Variants in GLDN observed in about 807,000 individuals in gnomAD.
GLDN encodes collomin.
In GLDN, 47 loss-of-function variants were observed where a neutral mutation model predicts 56.5. That is an observed-to-expected ratio of 0.83 (90% CI 0.66 to 1.06). The LOEUF is 1.06. GLDN is among the 50% of genes least tolerant of loss of function. The pLI is 0.00. For synonymous variants in GLDN, 332 were observed against 278.8 expected, an observed-to-expected ratio of 1.19 and a Z score of -1.90; for missense variants, 782 against 714.3, an observed-to-expected ratio of 1.09 and a Z score of -1.08.
intron 4 of GLDN, chr15:51,384,864 T>G (rs894228250): frequency 2.0e-5 from 3 of 152,458 alleles, no homozygotes; most frequent in African/African-American, 7.2e-5. Context: ...CAAACTCACT[T>G]GGACTGGCCC....
chr15:51,372,570 C>T (rs938066593), intron 1 of GLDN, among the ~76,000 whole-genome samples: 3 of 152,202 alleles, frequency 2.0e-5, no homozygotes, highest in Non-Finnish European at 4.4e-5. Flanking sequence ...TAAGTCTGTC[C>T]TCCATGCTAG....
chr15:51,402,053 C>T (rs1056703806), intron 9 of GLDN, among the ~76,000 whole-genome samples: 10 of 152,162 alleles, frequency 6.6e-5, no homozygotes, highest in Admixed American at 2.6e-4. Flanking sequence ...AGAAGCAGCC[C>T]GAACTCATAG....
chr15:51,391,697 G>A (rs1299902713), intron 4 of GLDN, among the ~76,000 whole-genome samples: 2 of 152,194 alleles, frequency 1.3e-5, no homozygotes, highest in Non-Finnish European at 2.9e-5. Context: ...GGATTTTGGT[G>A]CTATTGTGAG....
chr15:51,355,167 CA>C (rs2037150667), intron 1 of GLDN, among the ~76,000 whole-genome samples: 2 of 152,252 alleles, frequency 1.3e-5, no homozygotes, highest in South Asian at 4.1e-4. Flanking sequence ...AGTAAAGGAA[CA>C]AAAGAATGAC....
chr15:51,403,053 GC>G (rs2038290017), intron 9 of GLDN, among the ~76,000 whole-genome samples: 1 of 152,230 alleles, frequency 6.6e-6, no homozygotes, highest in Non-Finnish European at 1.5e-5. Context: ...GGGCAGTTCT[GC>G]GGTGGATAAC....
rs1250687936 is a variant in GLDN, at chr15:51,405,397, T to TC, written c.*643_*644insC. 6.6e-6 allele frequency: 1 copy of TC among 151,542 alleles called. No homozygotes were observed. The highest frequency in any genetic ancestry group is 2.4e-5 in the African/African-American group (1 of 41,228). 9.4% of individuals were successfully genotyped at this position (151,542 alleles called of 1,614,324 possible). A position where few individuals can be genotyped will look rare whatever the true frequency, so the allele number is the denominator to read the frequency against. On this transcript the variant is annotated 3_prime_UTR_variant, in exon 10 of 10. Coordinates refer to ENST00000335449, the MANE Select transcript of GLDN (RefSeq NM_181789.4). ...TTCAGGTTTTTTTTTTTTTTTTTTT[T>TC]TCAATAAGCTATTTTTTTTCTTTTC...
Position 51,373,132 on chromosome 15 carries a change from GACAAA to G in GLDN, c.364-4311_364-4307del, listed in dbSNP as rs199888098. Among the ~76,000 whole-genome samples, 630 of 152,294 alleles carry G rather than the reference GACAAA, an allele frequency of 4.1e-3. 6 individuals are homozygous for G. The highest frequency in any genetic ancestry group is 0.014 in the African/African-American group (577 of 41,566). ...TTCAAATCATAGTACAGGAGATGCAGACAAAACAAAGAAGTTTTTCTGCTCTCAAA... is the reference window on the plus strand; with the variant it reads ...TTCAAATCATAGTACAGGAGATGCAGACAAAGAAGTTTTTCTGCTCTCAAA... On this transcript the variant is annotated intron_variant, in intron 1 of 9. Coordinates refer to ENST00000335449, the MANE Select transcript of GLDN (RefSeq NM_181789.4).
At chr15:51,394,039 C>A (rs973652003) in intron 4 of GLDN, among the ~76,000 whole-genome samples, 3 of 152,214 alleles carry the variant, frequency 2.0e-5, no homozygotes, top group African/African-American at 7.2e-5. Flanking sequence ...TGCTCTCTGA[C>A]TTGGCAGCAT....
rs116572275 is a variant in GLDN at position 51,363,456 on chromosome 15, A to G, written c.364-13993A>G. On this transcript the variant is annotated intron_variant, in intron 1 of 9. Coordinates refer to ENST00000335449, the MANE Select transcript of GLDN (RefSeq NM_181789.4). ...TCTAAATCAGTGAAAAATATCTTGG[A>G]AAGAAGCTTAAAAGAAGCCTTTTCG... Among the ~76,000 whole-genome samples the G allele has an allele frequency of 7.6e-3, 1,154 of 152,330 alleles. 16 individuals carry two copies. The highest frequency in any genetic ancestry group is 0.026 in the African/African-American group (1,100 of 41,574).
At chr15:51,353,712 AT>A (rs66588762) in intron 1 of GLDN, among the ~76,000 whole-genome samples, 10,908 of 120,792 alleles carry the variant, frequency 0.09, 888 homozygotes, top group South Asian at 0.21. Flanking sequence ...CTCGGATTTG[AT>A]TAAAAAAAAA....
rs146909987 is a variant in GLDN, at chr15:51,343,695, G to A, written c.363+1648G>A. On this transcript the variant is annotated intron_variant, in intron 1 of 9. Transcript: ENST00000335449. ...CTAACTCATCCCCCACCTGCAATGG[G>A]TATGTTTTGACCTTTTAGAGTCATG... Among the ~76,000 whole-genome samples the A allele has an allele frequency of 5.9e-3, 896 of 152,220 alleles. 5 individuals are homozygous for A. Among genetic ancestry groups the A allele is most frequent in the Middle Eastern group, 0.017 (5 of 294 alleles).
At chr15:51,390,828 C>T (rs1053780591) in intron 4 of GLDN, among the ~76,000 whole-genome samples, 7 of 152,098 alleles carry the variant, frequency 4.6e-5, no homozygotes, top group East Asian at 1.9e-4. Flanking sequence ...AGGCAGAGTC[C>T]GGCCTTTCTT....
intron 1 of GLDN, among the ~76,000 whole-genome samples, chr15:51,344,240 T>C (rs544330069): frequency 6.6e-6 from 1 of 152,300 alleles, no homozygotes; most frequent in East Asian, 1.9e-4. Context: ...GGCCACAGCC[T>C]GGGGATGGAG....
At chr15:51,348,465 T>G (rs1454079062) in intron 1 of GLDN, among the ~76,000 whole-genome samples, 1 of 152,124 alleles carries the variant, frequency 6.6e-6, no homozygotes, top group Non-Finnish European at 1.5e-5. Context: ...CCTGAGTATC[T>G]GGGACAAGTG....
chr15:51,347,482 ATTC>A (rs1365699286), intron 1 of GLDN, among the ~76,000 whole-genome samples: 2 of 152,166 alleles, frequency 1.3e-5, no homozygotes, highest in Non-Finnish European at 2.9e-5. Flanking sequence ...GCCCAAGACA[ATTC>A]TTCTTCTTCC....
At chr15:51,355,752 T>C (rs1384537596) in intron 1 of GLDN, among the ~76,000 whole-genome samples, 2 of 150,026 alleles carry the variant, frequency 1.3e-5, no homozygotes, top group Non-Finnish European at 3.0e-5. Flanking sequence ...CTTGATCTCC[T>C]GACTTTGTGA....
chr15:51,388,332 G>C (rs183841796), intron 4 of GLDN, among the ~76,000 whole-genome samples: 14 of 152,108 alleles, frequency 9.2e-5, no homozygotes, highest in Non-Finnish European at 1.6e-4. Context: ...GTGATTATTT[G>C]CTATTGCGCT....
chr15:51,354,905 G>C (rs1350654259), intron 1 of GLDN, among the ~76,000 whole-genome samples: 1 of 152,178 alleles, frequency 6.6e-6, no homozygotes, highest in East Asian at 1.9e-4. Flanking sequence ...AAGTTAGAAA[G>C]TTATTACATT....
At chr15:51,377,426 T>A in intron 1 of GLDN, 23 bp from the exon 2 acceptor site, 1 of 1,609,442 alleles carries the variant, frequency 6.2e-7, no homozygotes, top group Non-Finnish European at 8.5e-7. Context: ...CTGTCTGCTC[T>A]GATGACCCTC....
Sources: allele counts gnomAD v4.1 joint callset (sites outside exome capture counted in the v4.1 genomes callset), GRCh38; gene constraint gnomAD v4.1.1; transcripts MANE v1.5; gene names NCBI Gene and HGNC (gene_info 2026-07-23, HGNC 2026-07-21).